Variants in RNF224 observed in about 807,000 individuals in gnomAD.
The protein encoded by RNF224 is ring finger protein 224.
In RNF224, 1 loss-of-function variant was observed where a neutral mutation model predicts 2.9. The ratio of observed to expected loss-of-function variants is 0.35; its 90% CI spans 0.12 to 1.66. The LOEUF (loss-of-function observed/expected upper bound fraction) is 1.66. RNF224 is among the 40% of genes most tolerant of loss of function. RNF224 has a pLI of 0.35. For missense variants in RNF224, 254 were observed against 221.8 expected (o/e 1.15, Z -0.92); for synonymous variants, 116 against 97.6 (o/e 1.19, Z -1.11).
Position 137,228,680 on chromosome 9 carries a change from C to A in RNF224, c.65C>A (p.Thr22Lys), listed in dbSNP as rs6606565. ...GGAGGGGGGCCCCCGGAGGAGAGGA[C>A]AGACTGCATCATCTGCTGCTCGGCC... ...LGGGGPPEER[T>K]DCIICCSAYD... Residue 22 changes from threonine (T) to lysine (K), a missense_variant, in exon 3 of 3, where the codon ACA (threonine) becomes AAA (lysine). Thr to Lys is a moderately conservative substitution (Grantham distance 78, BLOSUM62 -1). Coordinates refer to ENST00000445101, the MANE Select transcript of RNF224 (RefSeq NM_001190228.2). 1.6e-5 allele frequency: 24 copies of A among 1,497,884 alleles called. 1 individual carries two copies. In the South Asian group the frequency reaches 2.6e-4, roughly 16 times the overall value. The allele number at this position is 1,497,884 out of a possible 1,614,324, so 92.8% of individuals were successfully genotyped here.
Position 137,228,348 on chromosome 9 carries a change from G to A in RNF224, c.6+7G>A. ...CCCAGCAGAGCCCATGCAGGTAAGAGGCCTGGGCTCAGGTCGGCCAGGAGG... is the reference window on the plus strand; with the variant it reads ...CCCAGCAGAGCCCATGCAGGTAAGAAGCCTGGGCTCAGGTCGGCCAGGAGG... On this transcript the variant is annotated splice_region_variant and intron_variant, in intron 2 of 2. Transcript: ENST00000445101. 6.7e-7 allele frequency: 1 copy of A among 1,488,772 alleles called. No individual in the cohort carries two copies. Among genetic ancestry groups the A allele is most frequent in the South Asian group, 1.3e-5 (1 of 78,950 alleles). 92.2% of individuals were successfully genotyped at this position (1,488,772 alleles called of 1,614,324 possible). A position where few individuals can be genotyped will look rare whatever the true frequency, so the allele number is the denominator to read the frequency against.
In RNF224 at chr9:137,228,832, A is replaced by G. The variant is rs1411202623; in HGVS notation, c.217A>G (p.Ser73Gly). The G allele has an allele frequency of 7.2e-6, 11 of 1,535,556 alleles. No individual in the cohort carries two copies. In the East Asian group the frequency reaches 7.3e-5, roughly 10 times the overall value. Residue 73 changes from serine to glycine, a missense_variant, in exon 3 of 3, where the codon AGC (serine) becomes GGC (glycine). Ser to Gly is a moderately conservative substitution (Grantham distance 56). Coordinates refer to ENST00000445101, the MANE Select transcript of RNF224 (RefSeq NM_001190228.2). ...GATCCCCTGTCCGCAGTGCCGTCAG[A>G]GCACGCCCACGCCTCGCGGAGGGGT... ...RWIPCPQCRQ[S>G]TPTPRGGVAM...
At position 137,229,031 on chromosome 9, in the gene RNF224, G is replaced by A. The variant is rs1228030757; in HGVS notation, c.416G>A (p.Cys139Tyr). The change falls in exon 3 of 3, where the codon TGC (cysteine) becomes TAC (tyrosine). Residue 139 changes from cysteine (C) to tyrosine (Y), a missense_variant. Transcript: ENST00000445101. ...CCCCACTTCCCCCAGCCCAGATACT[G>A]CTGCTGGGGCTGTGGCAGCCTCTGC... is the stretch of plus-strand genomic sequence containing the variant. ...PQPHFPQPRY[C>Y]CWGCGSLCCP... 3 of 1,534,746 alleles carry A rather than the reference G, an allele frequency of 2.0e-6. No individual in the cohort carries two copies. The highest frequency in any genetic ancestry group is 2.4e-5 in the South Asian group (2 of 84,034).
Position 137,228,722 on chromosome 9 carries a change from AC to A in RNF224, c.109del (p.Leu37CysfsTer48). ...TGCTCGGCCTATGACCTCTCCGGGC[AC>A]CTGCCCCGCCGCCTCTACTGTGGAC... ...ICCSAYDLSG[H>X]LPRRLYCGHT... On this transcript the variant is annotated frameshift_variant, in exon 3 of 3. Transcript: ENST00000445101. LOFTEE classifies it low-confidence loss of function (END_TRUNC). 6.5e-7 allele frequency: 1 copy of A among 1,529,102 alleles called. No homozygotes were observed. The highest frequency in any genetic ancestry group is 8.8e-7 in the Non-Finnish European group (1 of 1,142,700). 94.7% of individuals were successfully genotyped at this position (1,529,102 alleles called of 1,614,324 possible). A position where few individuals can be genotyped will look rare whatever the true frequency, so the allele number is the denominator to read the frequency against.
chr9:137,228,598 C>A, intron 2 of RNF224, 24 bp from the exon 3 acceptor site: 1 of 1,423,692 alleles, frequency 7.0e-7, no homozygotes, highest in Non-Finnish European at 9.2e-7. Flanking sequence ...GGCAGGCTGT[C>A]CACCGCTGGC....
rs142018750 is a variant in RNF224 at position 137,228,894 on chromosome 9, G to A, written c.279G>A (p.Ala93=). The A allele has an allele frequency of 8.4e-4, 1,296 of 1,535,724 alleles. 9 individuals are homozygous for A. The African/African-American group carries it at 0.015, about 18-fold the overall frequency. The change falls in exon 3 of 3, where the codon GCG becomes GCA. Residue 93 remains alanine, a synonymous_variant. Coordinates refer to ENST00000445101, the MANE Select transcript of RNF224 (RefSeq NM_001190228.2). ...MLDLDLAAFL[A]VKAEREPARL... ...ACCTGGACCTGGCTGCTTTCCTGGC[G>A]GTCAAGGCTGAGCGGGAGCCGGCAA... is the stretch of plus-strand genomic sequence containing the variant.
intron 2 of RNF224, 31 bp downstream of exon 2, chr9:137,228,372 G>T: frequency 6.9e-7 from 1 of 1,455,040 alleles, no homozygotes; most frequent in Non-Finnish European, 9.0e-7. Flanking sequence ...TCGGCCAGGA[G>T]GGTGGGGGCC....
chr9:137,228,532 T>C (rs1836034888), intron 2 of RNF224, 90 bp from the exon 3 acceptor site: 2 of 1,185,352 alleles, frequency 1.7e-6, no homozygotes, highest in Non-Finnish European at 2.3e-6. Flanking sequence ...ACCCAGCGCC[T>C]GACCTCTGGG....
chr9:137,228,875 A>T lies in RNF224; in HGVS notation c.260A>T (p.Asp87Val), dbSNP rs1330144101. The T allele has an allele frequency of 1.8e-5, 28 of 1,535,700 alleles. No individual in the cohort carries two copies. The highest frequency in any genetic ancestry group is 2.4e-5 in the Non-Finnish European group (28 of 1,146,802). The change falls in exon 3 of 3, where the codon GAC (aspartate) becomes GTC (valine). Residue 87 changes from aspartate to valine, a missense_variant. Transcript: ENST00000445101. ...PRGGVAMLDLDLAAFLAVKAE... is the reference protein window; with the variant it reads ...PRGGVAMLDLVLAAFLAVKAE... ...GGAGGGGTGGCCATGCTAGACCTGGACCTGGCTGCTTTCCTGGCGGTCAAG... is the reference window on the plus strand; with the variant it reads ...GGAGGGGTGGCCATGCTAGACCTGGTCCTGGCTGCTTTCCTGGCGGTCAAG...
intron 2 of RNF224, 60 bp from the exon 3 acceptor site, chr9:137,228,562 A>G: frequency 1.5e-6 from 2 of 1,328,748 alleles, no homozygotes; most frequent in Non-Finnish European, 2.0e-6. Flanking sequence ...TGGGGCCAGC[A>G]CCCCATCCAG....
chr9:137,228,850 G>A lies in RNF224; in HGVS notation c.235G>A (p.Gly79Arg), dbSNP rs775478295. Residue 79 changes from glycine (G) to arginine (R), a missense_variant, in exon 3 of 3, where the codon GGA (glycine) becomes AGA (arginine). By Grantham distance (125) the Gly-to-Arg change is moderately radical (BLOSUM62 -2). Transcript: ENST00000445101. The part of the protein sequence containing the change: ...QCRQSTPTPR[G>R]GVAMLDLDLA... ...CCGTCAGAGCACGCCCACGCCTCGC[G>A]GAGGGGTGGCCATGCTAGACCTGGA... The A allele has an allele frequency of 6.4e-5, 99 of 1,535,678 alleles. No homozygotes were observed. The highest frequency in any genetic ancestry group is 5.4e-4 in the East Asian group (22 of 40,918).
At position 137,227,540 on chromosome 9, in the gene RNF224, TC is replaced by T. The variant is rs1423434780; in HGVS notation, c.-505del. On this transcript the variant is annotated 5_prime_UTR_variant, in exon 1 of 3. Coordinates refer to ENST00000445101, the MANE Select transcript of RNF224 (RefSeq NM_001190228.2). ...CTGCAGTCTGGTGTGGACACACTGA[TC>T]ATACCTCCCGGAACCTGGGCCTCCC... 6.6e-6 allele frequency: 1 copy of T among 152,496 alleles called. No homozygotes were observed. The highest frequency in any genetic ancestry group is 1.5e-5 in the Non-Finnish European group (1 of 68,086). 9.4% of individuals were successfully genotyped at this position (152,496 alleles called of 1,614,324 possible).
In RNF224 at chr9:137,229,360, A is replaced by C. The variant is rs111388752; in HGVS notation, c.*274A>C. On this transcript the variant is annotated 3_prime_UTR_variant, in exon 3 of 3. Coordinates refer to ENST00000445101, the MANE Select transcript of RNF224 (RefSeq NM_001190228.2). ...CTAGCCCGACCGGATGTGCCTGGTG[A>C]GGACACTGCTGTCTGAGTGGGCGGC... 9.6e-6 allele frequency: 5 copies of C among 519,350 alleles called. No homozygotes were observed. Among genetic ancestry groups the C allele is most frequent in the African/African-American group, 5.7e-5 (3 of 52,494 alleles). 32.2% of individuals were successfully genotyped at this position (519,350 alleles called of 1,614,324 possible). A position where few individuals can be genotyped will look rare whatever the true frequency, so the allele number is the denominator to read the frequency against.
chr9:137,228,813 CT>C lies in RNF224; in HGVS notation c.199del (p.Cys67ValfsTer18). 7 of 1,521,944 alleles carry C rather than the reference CT, an allele frequency of 4.6e-6. No individual in the cohort carries two copies. Among genetic ancestry groups the C allele is most frequent in the Non-Finnish European group, 6.1e-6 (7 of 1,144,820 alleles). 94.3% of individuals were successfully genotyped at this position (1,521,944 alleles called of 1,614,324 possible). A position where few individuals can be genotyped will look rare whatever the true frequency, so the allele number is the denominator to read the frequency against. On this transcript the variant is annotated frameshift_variant, in exon 3 of 3. Transcript: ENST00000445101. LOFTEE classifies it low-confidence loss of function (END_TRUNC). ...CGGCGCCCGAGCAGCGCTGGATCCC[CT>C]GTCCGCAGTGCCGTCAGAGCACGCC... ...TPAPEQRWIPCPQCRQSTPTP... is the reference protein window; with the variant it reads ...TPAPEQRWIPXPQCRQSTPTP...
Position 137,228,273 on chromosome 9 carries a change from C to A in RNF224, c.-63C>A. Reference sequence around the variant, plus strand: ...AACCCAGGAGGGAGCCGCAGGGCGCCCTGGGTCCCCCACTCCCTTCTCCGG... The same window carrying A: ...AACCCAGGAGGGAGCCGCAGGGCGCACTGGGTCCCCCACTCCCTTCTCCGG... On this transcript the variant is annotated 5_prime_UTR_variant, in exon 2 of 3. Coordinates refer to ENST00000445101, the MANE Select transcript of RNF224 (RefSeq NM_001190228.2). 1 of 1,520,890 alleles carries A rather than the reference C, an allele frequency of 6.6e-7. No homozygotes were observed. Among genetic ancestry groups the A allele is most frequent in the South Asian group, 1.2e-5 (1 of 83,450 alleles). The allele number at this position is 1,520,890 out of a possible 1,614,324, so 94.2% of individuals were successfully genotyped here.
In RNF224 at chr9:137,229,553, G is replaced by A. The variant is rs891181057; in HGVS notation, c.*467G>A. 5.1e-5 allele frequency: 9 copies of A among 175,214 alleles called. No homozygotes were observed. The highest frequency in any genetic ancestry group is 6.1e-5 in the Non-Finnish European group (5 of 81,472). The allele number at this position is 175,214 out of a possible 1,614,324, so 10.9% of individuals were successfully genotyped here. On this transcript the variant is annotated 3_prime_UTR_variant, in exon 3 of 3. Coordinates refer to ENST00000445101, the MANE Select transcript of RNF224 (RefSeq NM_001190228.2). ...CCCACAGACGTCCCCGGGGTGTACC[G>A]GGAGGGTGGCAAGACTACCTCCTTC...
In RNF224 at chr9:137,229,064, C is replaced by T. The variant is rs116391417; in HGVS notation, c.449C>T (p.Pro150Leu). 1 of 1,527,862 alleles carries T rather than the reference C, an allele frequency of 6.5e-7. No individual in the cohort carries two copies. Among genetic ancestry groups the T allele is most frequent in the Non-Finnish European group, 8.8e-7 (1 of 1,140,450 alleles). 94.6% of individuals were successfully genotyped at this position (1,527,862 alleles called of 1,614,324 possible). Residue 150 changes from proline (P) to leucine (L), a missense_variant, in exon 3 of 3, where the codon CCC (proline) becomes CTC (leucine). By Grantham distance (98) the Pro-to-Leu change is moderately conservative. Coordinates refer to ENST00000445101, the MANE Select transcript of RNF224 (RefSeq NM_001190228.2). ...CWGCGSLCCP[P>L]LGSPEV The stretch of plus-strand genomic sequence containing the variant: ...GGCTGTGGCAGCCTCTGCTGCCCAC[C>T]CCTAGGCAGCCCCGAGGTCTGAACT...
In RNF224 at chr9:137,229,062, A is replaced by G. The variant is rs1024671102; in HGVS notation, c.447A>G (p.Pro149=). 7.2e-6 allele frequency: 11 copies of G among 1,528,118 alleles called. No individual in the cohort carries two copies. The South Asian group carries it at 8.3e-5, about 12-fold the overall frequency. 94.7% of individuals were successfully genotyped at this position (1,528,118 alleles called of 1,614,324 possible). ...CCWGCGSLCC[P]PLGSPEV is the part of the protein sequence containing the mutation. ...GGGGCTGTGGCAGCCTCTGCTGCCC[A>G]CCCCTAGGCAGCCCCGAGGTCTGAA... The change falls in exon 3 of 3, where the codon CCA becomes CCG. Residue 149 remains proline (P), a synonymous_variant. Coordinates refer to ENST00000445101, the MANE Select transcript of RNF224 (RefSeq NM_001190228.2).
At position 137,228,903 on chromosome 9, in the gene RNF224, T is replaced by A. The variant is rs1451234789; in HGVS notation, c.288T>A (p.Ala96=). Residue 96 remains alanine (A), a synonymous_variant, in exon 3 of 3, where the codon GCT becomes GCA. Coordinates refer to ENST00000445101, the MANE Select transcript of RNF224 (RefSeq NM_001190228.2). ...LDLAAFLAVK[A]EREPARLEPL... ...TGGCTGCTTTCCTGGCGGTCAAGGCTGAGCGGGAGCCGGCAAGACTAGAAC... is the reference window on the plus strand; with the variant it reads ...TGGCTGCTTTCCTGGCGGTCAAGGCAGAGCGGGAGCCGGCAAGACTAGAAC... 6.5e-7 allele frequency: 1 copy of A among 1,535,730 alleles called. No individual in the cohort carries two copies. Among genetic ancestry groups the A allele is most frequent in the Admixed American group, 2.0e-5 (1 of 51,006 alleles).
Sources: allele counts gnomAD v4.1 joint callset, GRCh38; gene constraint gnomAD v4.1.1; transcripts MANE v1.5; gene names NCBI Gene and HGNC (gene_info 2026-07-23, HGNC 2026-07-21).